DLGAP1: variants seen among roughly 807,000 people sequenced by gnomAD.
The protein encoded by DLGAP1 is disks large-associated protein 1.
Under a neutral mutation model 90.8 loss-of-function variants are expected in DLGAP1, and 11 were observed. The observed-to-expected ratio is 0.12, with a 90% CI of 0.08 to 0.20. The LOEUF is 0.20. Among genes scored for constraint, DLGAP1 ranks in the 10% least tolerant of loss-of-function variants. The pLI, the probability that DLGAP1 is intolerant of heterozygous loss-of-function variation, is 1.00. For missense variants in DLGAP1, 1,050 were observed against 1,333.8 expected (o/e 0.79, Z 3.31); for synonymous variants, 558 against 540.7 (o/e 1.03, Z -0.44).
chr18:3,672,821 T>G (rs1184874431), intron 7 of DLGAP1, among the ~76,000 whole-genome samples: 1 of 152,148 alleles, frequency 6.6e-6, no homozygotes, highest in South Asian at 2.1e-4. Context: ...CTAGTCTGCC[T>G]CCTCCTTTCA....
At chr18:4,314,682 CAATA>C (rs1308239153) in intron 1 of DLGAP1, among the ~76,000 whole-genome samples, 1 of 152,140 alleles carries the variant, frequency 6.6e-6, no homozygotes, top group Non-Finnish European at 1.5e-5. Flanking sequence ...AGGAGTCACA[CAATA>C]AACATTCCCC....
chr18:4,387,709 G>A (rs1048421602), intron 1 of DLGAP1, among the ~76,000 whole-genome samples: 13 of 152,132 alleles, frequency 8.5e-5, no homozygotes, highest in Non-Finnish European at 1.8e-4. Flanking sequence ...GAGGCGGGCA[G>A]ATCATGAGGT....
chr18:3,733,293 G>A (rs566838746), intron 6 of DLGAP1, among the ~76,000 whole-genome samples: 4 of 152,234 alleles, frequency 2.6e-5, no homozygotes, highest in Middle Eastern at 3.4e-3. Context: ...AATGTTTGCC[G>A]CTACAGGTGG....
chr18:4,170,615 C>G (rs1350779181), intron 1 of DLGAP1, among the ~76,000 whole-genome samples: 2 of 152,118 alleles, frequency 1.3e-5, no homozygotes, highest in African/African-American at 4.8e-5. Context: ...CCCAGGACAT[C>G]TGACTTGGGA....
intron 7 of DLGAP1, among the ~76,000 whole-genome samples, chr18:3,700,135 T>C (rs2061230778): frequency 1.3e-5 from 2 of 152,112 alleles, no homozygotes; most frequent in African/African-American, 4.8e-5. Flanking sequence ...TAGTGAAAGA[T>C]TCTGTCTCGC....
At chr18:3,961,431 A>G (rs1785325397) in intron 3 of DLGAP1, among the ~76,000 whole-genome samples, 1 of 152,092 alleles carries the variant, frequency 6.6e-6, no homozygotes, top group African/African-American at 2.4e-5. Context: ...TTGCTCTGTC[A>G]AAGATGAGAG....
intron 1 of DLGAP1, among the ~76,000 whole-genome samples, chr18:4,359,159 T>A (rs1598279025): frequency 6.6e-6 from 1 of 152,150 alleles, no homozygotes; most frequent in East Asian, 1.9e-4. Context: ...AAGATATTAG[T>A]GAGGAGTGAT....
intron 9 of DLGAP1, among the ~76,000 whole-genome samples, chr18:3,543,166 A>ATTTT (rs76751283): frequency 0.37 from 22,039 of 58,884 alleles, 2,399 homozygotes; most frequent in East Asian, 0.54. Flanking sequence ...CATGACTCCA[A>ATTTT]TTTTTTTTTT....
At chr18:3,929,069 T>C (rs1047976325) in intron 3 of DLGAP1, among the ~76,000 whole-genome samples, 1 of 152,208 alleles carries the variant, frequency 6.6e-6, no homozygotes, top group Non-Finnish European at 1.5e-5. Context: ...CTACTATCAT[T>C]GTAAGTTTCC....
At chr18:4,142,152 G>A (rs553561917) in intron 2 of DLGAP1, among the ~76,000 whole-genome samples, 3 of 152,050 alleles carry the variant, frequency 2.0e-5, no homozygotes, top group South Asian at 4.2e-4. Context: ...GTTGTCCTTG[G>A]ACATTCTTAC....
At chr18:4,337,370 C>A (rs1382969743) in intron 1 of DLGAP1, among the ~76,000 whole-genome samples, 1 of 151,714 alleles carries the variant, frequency 6.6e-6, no homozygotes, top group Admixed American at 6.6e-5. Context: ...ATTTTTCCTA[C>A]TTTTTGTAGC....
chr18:3,888,519 C>T (rs539417504), intron 3 of DLGAP1, among the ~76,000 whole-genome samples: 55 of 150,906 alleles, frequency 3.6e-4, no homozygotes, highest in African/African-American at 1.1e-3. Context: ...TAAATGCCTT[C>T]GGAGGCATTT....
At position 3,850,419 on chromosome 18, in the gene DLGAP1, G is replaced by A. The variant is rs964968737; in HGVS notation, c.957+28693C>T. Among the ~76,000 whole-genome samples the A allele has an allele frequency of 2.0e-5, 3 of 152,014 alleles. No individual in the cohort carries two copies. In the East Asian group the frequency reaches 5.8e-4, roughly 29 times the overall value. On this transcript the variant is annotated intron_variant, in intron 4 of 12. Coordinates refer to ENST00000315677, the MANE Select transcript of DLGAP1 (RefSeq NM_004746.4). ...AAAAAAAATTAGCATGTGGGATGTC[G>A]ATTTAAAATATTATAAGATCCATTA...
rs562945003 is a variant in DLGAP1 at position 4,382,137 on chromosome 18, A to G, written c.-267+72869T>C. Among the ~76,000 whole-genome samples, 436 of 152,262 alleles carry G rather than the reference A, an allele frequency of 2.9e-3. 1 individual carries two copies. Among genetic ancestry groups the G allele is most frequent in the African/African-American group, 0.01 (417 of 41,544 alleles). ...TACAAGATGAGATTTGGGTGGGAAC[A>G]CAGCCAAGCCATATCTCTTATATTT... is the stretch of plus-strand genomic sequence containing the variant. On this transcript the variant is annotated intron_variant, in intron 1 of 12. Transcript: ENST00000315677.
At chr18:3,678,119 A>C (rs544983372) in intron 7 of DLGAP1, among the ~76,000 whole-genome samples, 117 of 138,648 alleles carry the variant, frequency 8.4e-4, no homozygotes, top group African/African-American at 2.8e-3. Context: ...GTGCTACCAT[A>C]CCTGGCTAAT....
intron 1 of DLGAP1, among the ~76,000 whole-genome samples, chr18:4,331,260 A>C (rs78074451): frequency 0.026 from 3,951 of 151,634 alleles, 253 homozygotes; most frequent in African/African-American, 0.092. Flanking sequence ...CCACCCCTCC[A>C]CCAGTGCATC....
chr18:3,840,975 A>C (rs1407090488), intron 4 of DLGAP1, among the ~76,000 whole-genome samples: 1 of 152,230 alleles, frequency 6.6e-6, no homozygotes, highest in Non-Finnish European at 1.5e-5. Flanking sequence ...CATGGTCAAC[A>C]CAAAATGGAA....
chr18:4,235,914 C>T (rs537719574), intron 1 of DLGAP1, among the ~76,000 whole-genome samples: 57 of 151,576 alleles, frequency 3.8e-4, no homozygotes, highest in Non-Finnish European at 7.4e-4. Flanking sequence ...TTAGTAGAGA[C>T]GGGGTTTGGC....
chr18:4,290,703 A>G (rs887233405), intron 1 of DLGAP1, among the ~76,000 whole-genome samples: 12 of 152,210 alleles, frequency 7.9e-5, no homozygotes, highest in African/African-American at 2.9e-4. Context: ...TTGAGCTGTC[A>G]ATGATTACTC....
Sources: allele counts gnomAD v4.1 joint callset (sites outside exome capture counted in the v4.1 genomes callset), GRCh38; gene constraint gnomAD v4.1.1; transcripts MANE v1.5; gene names NCBI Gene and HGNC (gene_info 2026-07-23, HGNC 2026-07-21).